Variants in SPIDR observed in about 807,000 individuals in gnomAD.
SPIDR encodes the protein scaffold protein involved in DNA repair.
In SPIDR, 93 loss-of-function variants were observed where a neutral mutation model predicts 104.6. The ratio of observed to expected loss-of-function variants is 0.89; its 90% CI spans 0.75 to 1.06. The LOEUF (loss-of-function observed/expected upper bound fraction) is 1.06, where lower values mean the gene tolerates loss of function less well. SPIDR is among the 50% of genes least tolerant of loss of function. The pLI is 0.00. For synonymous variants in SPIDR, 431 were observed against 416.9 expected (o/e 1.03, Z -0.41); for missense variants, 1,154 against 1,111.2 (o/e 1.04, Z -0.55).
At chr8:47,563,073 A>G (rs1449180815) in intron 8 of SPIDR, among the ~76,000 whole-genome samples, 1 of 150,692 alleles carries the variant, frequency 6.6e-6, no homozygotes, top group Non-Finnish European at 1.5e-5. Flanking sequence ...GGAAAGAAAT[A>G]AGGTAGTCTT....
intron 5 of SPIDR, among the ~76,000 whole-genome samples, chr8:47,380,631 C>T (rs2059223941): frequency 6.6e-6 from 1 of 152,066 alleles, no homozygotes; most frequent in African/African-American, 2.4e-5. Flanking sequence ...GAGGGGGCTT[C>T]TGTAAGCCAG....
In SPIDR at chr8:47,563,973, A is replaced by G. The variant is rs567339651; in HGVS notation, c.1098-31838A>G. On this transcript the variant is annotated intron_variant, in intron 8 of 19. Coordinates refer to ENST00000297423, the MANE Select transcript of SPIDR (RefSeq NM_001080394.4). ...AATGTCTTTTGATGTAGTAAAACTT[A>G]TAAAGTGTGAAGAAGAACTTAAATC... Among the ~76,000 whole-genome samples, 9 of 152,096 alleles carry G rather than the reference A, an allele frequency of 5.9e-5. No individual in the cohort carries two copies. The South Asian group carries it at 1.7e-3, about 28-fold the overall frequency.
At chr8:47,667,420 G>C (rs556844070) in intron 10 of SPIDR, among the ~76,000 whole-genome samples, 66 of 124,858 alleles carry the variant, frequency 5.3e-4, no homozygotes, top group Non-Finnish European at 8.5e-4. Context: ...AGCATAGCAA[G>C]ACCTCGTCTC....
chr8:47,596,352 A>G (rs988483696), intron 9 of SPIDR, among the ~76,000 whole-genome samples: 1 of 152,220 alleles, frequency 6.6e-6, no homozygotes, highest in Non-Finnish European at 1.5e-5. Context: ...GCACTTACAC[A>G]AACCTAGATG....
intron 8 of SPIDR, among the ~76,000 whole-genome samples, chr8:47,482,417 G>C (rs371274896): frequency 6.6e-6 from 1 of 152,042 alleles, no homozygotes; most frequent in East Asian, 1.9e-4. Context: ...CTGGGCTACA[G>C]AGCGAGGCCC....
intron 8 of SPIDR, among the ~76,000 whole-genome samples, chr8:47,486,225 AT>A (rs2077593988): frequency 6.6e-6 from 1 of 152,272 alleles, no homozygotes; most frequent in Non-Finnish European, 1.5e-5. Flanking sequence ...TCAGAAGCCT[AT>A]TTGATCAACT....
In SPIDR at chr8:47,713,621, A is replaced by C. The variant is rs757037438; in HGVS notation, c.2321A>C (p.Asn774Thr). The C allele has an allele frequency of 1.9e-6, 3 of 1,613,898 alleles. No individual in the cohort carries two copies. Among genetic ancestry groups the C allele is most frequent in the Non-Finnish European group, 2.5e-6 (3 of 1,180,002 alleles). Reference sequence around the variant, plus strand: ...AGCCTGGACTCTGCAACACCTGTCAACTCCATCTGCAGTGTTCAAGGTAGG... The same window carrying C: ...AGCCTGGACTCTGCAACACCTGTCACCTCCATCTGCAGTGTTCAAGGTAGG... ...LDSLDSATPV[N>T]SICSVQGTVV... Residue 774 changes from asparagine to threonine, a missense_variant, in exon 16 of 20, where the codon AAC becomes ACC. Asn to Thr is a moderately conservative substitution (Grantham distance 65). Coordinates refer to ENST00000297423, the MANE Select transcript of SPIDR (RefSeq NM_001080394.4).
chr8:47,382,381 T>G (rs1482316068), intron 5 of SPIDR, among the ~76,000 whole-genome samples: 2 of 152,202 alleles, frequency 1.3e-5, no homozygotes, highest in East Asian at 1.9e-4. Flanking sequence ...TTGAATTATA[T>G]AAAGCATTGT....
chr8:47,634,801 G>A (rs963607554), intron 10 of SPIDR, among the ~76,000 whole-genome samples: 1 of 152,202 alleles, frequency 6.6e-6, no homozygotes, highest in Non-Finnish European at 1.5e-5. Context: ...GGCAACCTTT[G>A]CTGACTTAGC....
At chr8:47,565,331 A>ACT (rs1564349681) in intron 8 of SPIDR, among the ~76,000 whole-genome samples, 5 of 152,326 alleles carry the variant, frequency 3.3e-5, no homozygotes, top group Admixed American at 3.3e-4. Context: ...TTGGGCAGTA[A>ACT]AGAGAAGCAA....
intron 8 of SPIDR, among the ~76,000 whole-genome samples, chr8:47,473,566 G>T (rs1586313166): frequency 6.6e-6 from 1 of 152,254 alleles, no homozygotes; most frequent in East Asian, 1.9e-4. Flanking sequence ...CCCAACGCTG[G>T]ACATACTTGG....
chr8:47,503,193 G>C (rs761923138), intron 8 of SPIDR, among the ~76,000 whole-genome samples: 2 of 152,098 alleles, frequency 1.3e-5, no homozygotes, highest in African/African-American at 4.8e-5. Context: ...GAATATCCTT[G>C]TTAACTTTCT....
intron 5 of SPIDR, among the ~76,000 whole-genome samples, chr8:47,377,906 A>C (rs2058855808): frequency 6.6e-6 from 1 of 152,220 alleles, no homozygotes; most frequent in Non-Finnish European, 1.5e-5. Flanking sequence ...AGTTGTACTT[A>C]TATTACAAAA....
At position 47,396,417 on chromosome 8, in the gene SPIDR, A is replaced by G. The variant is rs1437718780; in HGVS notation, c.567A>G (p.Glu189=). The G allele has an allele frequency of 6.2e-7, 1 of 1,612,982 alleles. No individual in the cohort carries two copies. The highest frequency in any genetic ancestry group is 2.2e-5 in the East Asian group (1 of 44,864). ...TTTTAGAGTATTCATCAGATAGTGA[A>G]AAAGAAGATGATTTGGAAAATGTCC... ...IEILEYSSDS[E]KEDDLENVLL... Residue 189 remains glutamate (E), a synonymous_variant, in exon 6 of 20, where the codon GAA becomes GAG. Coordinates refer to ENST00000297423, the MANE Select transcript of SPIDR (RefSeq NM_001080394.4).
intron 11 of SPIDR, among the ~76,000 whole-genome samples, chr8:47,698,318 A>C (rs2154481580): frequency 6.6e-6 from 1 of 152,314 alleles, no homozygotes; most frequent in Non-Finnish European, 1.5e-5. Context: ...CAGTGAGAGG[A>C]ACAATACACT....
At position 47,413,825 on chromosome 8, in the gene SPIDR, A is replaced by T. The variant is rs181517618; in HGVS notation, c.877+5864A>T. On this transcript the variant is annotated intron_variant, in intron 7 of 19. Coordinates refer to ENST00000297423, the MANE Select transcript of SPIDR (RefSeq NM_001080394.4). ...AGTTTGCTTTCCTTATTTTCCAGAT[A>T]AAAAAAACTGTAGGTTGAGTATATG... Among the ~76,000 whole-genome samples, 290 of 152,016 alleles carry T rather than the reference A, an allele frequency of 1.9e-3. 2 individuals are homozygous for T. The highest frequency in any genetic ancestry group is 6.8e-3 in the Middle Eastern group (2 of 294).
intron 10 of SPIDR, among the ~76,000 whole-genome samples, chr8:47,633,113 C>G (rs2067315629): frequency 6.6e-6 from 1 of 152,204 alleles, no homozygotes; most frequent in Non-Finnish European, 1.5e-5. Flanking sequence ...GAAACTACCA[C>G]TAGTACAGAA....
chr8:47,351,415 A>T (rs1350603085), intron 5 of SPIDR, among the ~76,000 whole-genome samples: 1 of 152,126 alleles, frequency 6.6e-6, no homozygotes, highest in Non-Finnish European at 1.5e-5. Context: ...TTGAAGACCG[A>T]GTGGGATTTA....
chr8:47,669,387 CA>C (rs749773890), intron 10 of SPIDR, among the ~76,000 whole-genome samples: 2 of 152,148 alleles, frequency 1.3e-5, no homozygotes, highest in Admixed American at 6.5e-5. Context: ...CCAGTCGAAC[CA>C]GGGGGGTGAT....
Sources: gnomAD v4.1 joint callset for allele counts (sites outside exome capture counted in the v4.1 genomes callset) on GRCh38, gnomAD v4.1.1 for gene constraint, MANE v1.5 for transcripts, NCBI Gene and HGNC (gene_info 2026-07-23, HGNC 2026-07-21) for gene names.